ATPAF2: variants seen among roughly 807,000 people sequenced by gnomAD.
The protein encoded by ATPAF2 is ATP12 homolog.
Under a neutral mutation model 36.6 loss-of-function variants are expected in ATPAF2, and 30 were observed. The observed-to-expected ratio is 0.82, with a 90% CI of 0.61 to 1.11. The LOEUF (loss-of-function observed/expected upper bound fraction) is 1.11, where lower values mean the gene tolerates loss of function less well. ATPAF2 is among the 50% of genes most tolerant of loss of function. ATPAF2 has a pLI of 0.00. For synonymous variants in ATPAF2, 140 were observed against 152.6 expected, an observed-to-expected ratio of 0.92 and a Z score of 0.61; for missense variants, 321 against 372.3, an observed-to-expected ratio of 0.86 and a Z score of 1.13.
chr17:18,021,696 G>A, intron 6 of ATPAF2, 49 bp downstream of exon 6: 3 of 1,506,436 alleles, frequency 2.0e-6, no homozygotes, highest in Non-Finnish European at 2.8e-6. Flanking sequence ...TTCAGACACT[G>A]ATGGCCTTCA....
chr17:18,030,320 C>CAAAA (rs1162130285), intron 1 of ATPAF2, among the ~76,000 whole-genome samples: 121 of 64,066 alleles, frequency 1.9e-3, no homozygotes, highest in African/African-American at 6.7e-3. Context: ...GACTCCATCT[C>CAAAA]AAAAAAAAAA....
intron 3 of ATPAF2, among the ~76,000 whole-genome samples, chr17:18,027,756 T>C (rs2044568697): frequency 6.6e-6 from 1 of 152,214 alleles, no homozygotes; most frequent in Admixed American, 6.5e-5. Context: ...GTGGATCTTA[T>C]ATTCAACTAA....
intron 1 of ATPAF2, among the ~76,000 whole-genome samples, chr17:18,031,922 C>G (rs1329169755): frequency 6.6e-6 from 1 of 152,224 alleles, no homozygotes; most frequent in Non-Finnish European, 1.5e-5. Flanking sequence ...CAGCACCCTA[C>G]TGCTTTTAAA....
At chr17:18,022,969 CA>C (rs1382383064) in intron 5 of ATPAF2, among the ~76,000 whole-genome samples, 3 of 151,170 alleles carry the variant, frequency 2.0e-5, no homozygotes, top group Admixed American at 1.3e-4. Context: ...ACTAAAAATA[CA>C]AAAAAAATTA....
chr17:18,016,631 G>A (rs2044374616), downstream of ATPAF2: 1 of 1,613,698 alleles, frequency 6.2e-7, no homozygotes, highest in South Asian at 1.1e-5. Flanking sequence ...CACATGCAGA[G>A]CGAACTGGAC....
chr17:18,028,194 G>T, intron 3 of ATPAF2, 38 bp downstream of exon 3: 1 of 1,613,632 alleles, frequency 6.2e-7, no homozygotes, highest in Non-Finnish European at 8.5e-7. Flanking sequence ...AGCCCTGGGT[G>T]GGTCTCAGGG....
chr17:18,019,452 C>T (rs532872703), intron 7 of ATPAF2, among the ~76,000 whole-genome samples: 3 of 152,382 alleles, frequency 2.0e-5, no homozygotes, highest in East Asian at 1.9e-4. Flanking sequence ...TGCCCCCCAG[C>T]GCCATGTGGG....
chr17:18,027,992 T>C, intron 3 of ATPAF2: 1 of 568,760 alleles, frequency 1.8e-6, no homozygotes, highest in East Asian at 3.1e-5. Flanking sequence ...GTGACATCTG[T>C]CCTGAAACCA....
chr17:18,038,568 C>G (rs1007298990), intron 1 of ATPAF2, among the ~76,000 whole-genome samples: 1 of 152,220 alleles, frequency 6.6e-6, no homozygotes, highest in Non-Finnish European at 1.5e-5. Context: ...AGTCCTGATT[C>G]AGAGCCCAAA....
intron 7 of ATPAF2, among the ~76,000 whole-genome samples, chr17:18,019,187 C>CACACACACACACA (rs1256217214): frequency 4.2e-4 from 17 of 40,424 alleles, no homozygotes; most frequent in African/African-American, 1.3e-3. Context: ...ACACACACAC[C>CACACACACACACA]CCACCACCCC....
rs1567581967 is a variant in ATPAF2 at position 18,039,145 on chromosome 17, C to T, written c.-132G>A. 3.1e-6 allele frequency: 4 copies of T among 1,305,300 alleles called. No individual in the cohort carries two copies. The South Asian group carries it at 5.1e-5, about 17-fold the overall frequency. 80.9% of individuals were successfully genotyped at this position (1,305,300 alleles called of 1,614,324 possible). A position where few individuals can be genotyped will look rare whatever the true frequency, so the allele number is the denominator to read the frequency against. ...CGCCTCCTCAGAGCCCTCAACCTCC[C>T]TTGGACGCCGCCATCTTCCGCATGA... On this transcript the variant is annotated 5_prime_UTR_variant, in exon 1 of 8. Coordinates refer to ENST00000474627, the MANE Select transcript of ATPAF2 (RefSeq NM_145691.4). This position sits in a 1 kb window ranked among gnomAD's most constrained non-coding sequence, Gnocchi z 5.3.
At chr17:18,024,995 G>A (rs2044523550) in intron 4 of ATPAF2, 3 of 445,472 alleles carry the variant, frequency 6.7e-6, no homozygotes, top group South Asian at 6.3e-5. Flanking sequence ...TCTAGTGTAA[G>A]CTTGAGTTTG....
intron 1 of ATPAF2, among the ~76,000 whole-genome samples, chr17:18,031,577 G>A (rs2044636399): frequency 6.6e-6 from 1 of 151,844 alleles, no homozygotes; most frequent in Admixed American, 6.6e-5. Context: ...TCAGGAGATT[G>A]AGACCATCCT....
At chr17:18,019,617 C>A (rs148131916) in intron 7 of ATPAF2, among the ~76,000 whole-genome samples, 4 of 152,234 alleles carry the variant, frequency 2.6e-5, no homozygotes, top group African/African-American at 7.2e-5. Context: ...CGCTCAGACA[C>A]ACGATGTGGC....
rs756852432 is a variant in ATPAF2 at position 18,026,297 on chromosome 17, T to C, written c.422+22A>G. On this transcript the variant is annotated intron_variant, in intron 4 of 7. Transcript: ENST00000474627. ...AAAAATAGCCTCAATCCAAGGGGAA[T>C]GCCCATCTAAATGTCCATTACCAGA... The C allele has an allele frequency of 2.5e-6, 4 of 1,594,200 alleles. No homozygotes were observed. The South Asian group carries it at 4.4e-5, about 18-fold the overall frequency.
chr17:18,015,851 C>T (rs1597658169), downstream of ATPAF2: 1 of 531,216 alleles, frequency 1.9e-6, no homozygotes, highest in East Asian at 3.1e-5. Flanking sequence ...TTGGCCCTTT[C>T]CCCACAACAC....
At chr17:18,038,859 A>G in intron 1 of ATPAF2, 22 bp downstream of exon 1, 2 of 1,612,922 alleles carry the variant, frequency 1.2e-6, no homozygotes, top group Non-Finnish European at 8.5e-7. Context: ...CCCCAACCCA[A>G]AAGAACATGT....
intron 1 of ATPAF2, among the ~76,000 whole-genome samples, chr17:18,029,903 A>C (rs2044602835): frequency 6.6e-6 from 1 of 150,922 alleles, no homozygotes; most frequent in Non-Finnish European, 1.5e-5. Flanking sequence ...AAAAAAAAAA[A>C]AGGCTGGTCG....
At chr17:18,032,214 C>T (rs1419015373) in intron 1 of ATPAF2, among the ~76,000 whole-genome samples, 5 of 152,192 alleles carry the variant, frequency 3.3e-5, no homozygotes, top group Admixed American at 2.6e-4. Context: ...CTTCCAGGCC[C>T]GGTCTGGGAA....
Sources: gnomAD v4.1 joint callset for allele counts (sites outside exome capture counted in the v4.1 genomes callset) on GRCh38, gnomAD v4.1.1 for gene constraint, Gnocchi (gnomAD v3.1) non-coding constraint, MANE v1.5 for transcripts, NCBI Gene and HGNC (gene_info 2026-07-23, HGNC 2026-07-21) for gene names.